Variants in CCDC3 observed in about 807,000 individuals in gnomAD.
The protein encoded by CCDC3 is coiled-coil domain containing 3.
Under a neutral mutation model 21.4 loss-of-function variants are expected in CCDC3, and 24 were observed. The observed-to-expected ratio is 1.12, with a 90% CI of 0.81 to 1.58. The LOEUF (loss-of-function observed/expected upper bound fraction) is 1.58, where lower values mean the gene tolerates loss of function less well. CCDC3 is among the 40% of genes most tolerant of loss of function. The pLI, the probability that CCDC3 is intolerant of heterozygous loss-of-function variation, is 0.00. For synonymous variants in CCDC3, 186 were observed against 166.0 expected (o/e 1.12, Z -0.93); for missense variants, 425 against 360.9 (o/e 1.18, Z -1.44).
At chr10:12,930,723 G>A (rs1163267944) in intron 2 of CCDC3, among the ~76,000 whole-genome samples, 1 of 152,120 alleles carries the variant, frequency 6.6e-6, no homozygotes, top group Non-Finnish European at 1.5e-5. Flanking sequence ...AGTGGGCAGA[G>A]ACCAAAGATG....
intron 2 of CCDC3, among the ~76,000 whole-genome samples, chr10:12,970,925 A>G (rs897807335): frequency 1.6e-4 from 24 of 152,136 alleles, no homozygotes; most frequent in Non-Finnish European, 8.8e-5. Flanking sequence ...CAAACCAATA[A>G]CTAAGCAACT....
rs1429955878 is a variant in CCDC3 at position 13,020,841 on chromosome 10, G to C, written c.-1-22329C>G. On this transcript the variant is annotated intron_variant, in intron 5 of 6. Transcript: ENST00000378839. The stretch of plus-strand genomic sequence containing the variant: ...ATCTTACAATGACTATGAGCAAAAA[G>C]TTTTCACAAAAAAAACTTATTAAAG... Among the ~76,000 whole-genome samples the C allele has an allele frequency of 2.0e-5, 3 of 151,818 alleles. No homozygotes were observed. In the East Asian group the frequency reaches 5.8e-4, roughly 29 times the overall value.
chr10:13,050,316 C>T (rs1836587741), intron 4 of CCDC3, among the ~76,000 whole-genome samples: 1 of 152,200 alleles, frequency 6.6e-6, no homozygotes, highest in Middle Eastern at 3.4e-3. Flanking sequence ...TGTCAGACTG[C>T]AGGGAATTAA....
At chr10:13,080,191 CAA>C (rs1837019470) in intron 3 of CCDC3, among the ~76,000 whole-genome samples, 2 of 150,670 alleles carry the variant, frequency 1.3e-5, no homozygotes, top group South Asian at 4.2e-4. Flanking sequence ...AACGGGATGG[CAA>C]AGAGAGAGAG....
intron 2 of CCDC3, among the ~76,000 whole-genome samples, chr10:12,957,664 G>C (rs556388719): frequency 4.1e-4 from 62 of 152,178 alleles, no homozygotes; most frequent in Non-Finnish European, 6.0e-4. Context: ...TTGTTTCTAA[G>C]CGTGCGGCAC....
chr10:13,076,738 T>C (rs932170491), intron 3 of CCDC3, among the ~76,000 whole-genome samples: 1 of 152,208 alleles, frequency 6.6e-6, no homozygotes, highest in African/African-American at 2.4e-5. Flanking sequence ...TTTGGGAATG[T>C]TATTACTTTT....
At chr10:12,974,886 T>C (rs78170920) in intron 2 of CCDC3, among the ~76,000 whole-genome samples, 4,945 of 152,338 alleles carry the variant, frequency 0.032, 280 homozygotes, top group African/African-American at 0.11. Flanking sequence ...ACGTTACTAA[T>C]ATTTTTTGAG....
intron 4 of CCDC3, among the ~76,000 whole-genome samples, chr10:13,060,300 G>A (rs1189596051): frequency 6.6e-6 from 1 of 152,102 alleles, no homozygotes; most frequent in Non-Finnish European, 1.5e-5. Context: ...CTGAATTCAG[G>A]GAAGGGGATT....
chr10:12,937,577 C>T (rs1834760373), intron 2 of CCDC3, among the ~76,000 whole-genome samples: 1 of 152,000 alleles, frequency 6.6e-6, no homozygotes, highest in African/African-American at 2.4e-5. Context: ...ATCCTCCCAT[C>T]TCAGCCTCCC....
At chr10:12,986,890 AATAAAACTTTCATTT>A (rs1434205920) in intron 2 of CCDC3, among the ~76,000 whole-genome samples, 1 of 152,240 alleles carries the variant, frequency 6.6e-6, no homozygotes, top group African/African-American at 2.4e-5. Flanking sequence ...TAACTGTTTC[AATAAAACTTTCATTT>A]GATGGCAAAA....
At chr10:12,987,161 G>C (rs536661074) in intron 2 of CCDC3, among the ~76,000 whole-genome samples, 1 of 152,086 alleles carries the variant, frequency 6.6e-6, no homozygotes, top group Admixed American at 6.6e-5. Context: ...TAAATTCATC[G>C]TCTCTCACCT....
chr10:12,957,672 CACCTCCCTCCT>C (rs1835112897), intron 2 of CCDC3, among the ~76,000 whole-genome samples: 1 of 152,118 alleles, frequency 6.6e-6, no homozygotes, highest in Non-Finnish European at 1.5e-5. Context: ...AAGCGTGCGG[CACCTCCCTCCT>C]ACCTCCCTCG....
intron 2 of CCDC3, among the ~76,000 whole-genome samples, chr10:12,955,914 G>A (rs1345108865): frequency 6.6e-6 from 1 of 152,022 alleles, no homozygotes; most frequent in Non-Finnish European, 1.5e-5. Flanking sequence ...CACCATGTTG[G>A]CAAGGCTGGC....
chr10:13,061,019 C>T (rs893120594), intron 4 of CCDC3, among the ~76,000 whole-genome samples: 2 of 152,230 alleles, frequency 1.3e-5, no homozygotes, highest in South Asian at 4.1e-4. Flanking sequence ...GGATTAAATC[C>T]TTGTTCCATA....
At chr10:13,090,796 G>A (rs1266311408) in intron 3 of CCDC3, among the ~76,000 whole-genome samples, 3 of 152,188 alleles carry the variant, frequency 2.0e-5, no homozygotes, top group East Asian at 3.9e-4. Flanking sequence ...TATATTGAAG[G>A]GAGTTTATTA....
intron 2 of CCDC3, among the ~76,000 whole-genome samples, chr10:12,911,314 C>T (rs1285879101): frequency 6.6e-6 from 1 of 152,206 alleles, no homozygotes; most frequent in East Asian, 1.9e-4. Flanking sequence ...GTTTTTACTG[C>T]CATAGCCCTA....
chr10:13,099,400 C>T (rs1413337853), intron 1 of CCDC3: 1 of 140,586 alleles, frequency 7.1e-6, no homozygotes, highest in Non-Finnish European at 1.5e-5. Flanking sequence ...CTCCCTCTCT[C>T]CGTCCCTCCC....
intron 2 of CCDC3, among the ~76,000 whole-genome samples, chr10:12,989,407 T>C (rs1038099546): frequency 5.9e-5 from 9 of 152,184 alleles, no homozygotes; most frequent in Admixed American, 2.0e-4. Flanking sequence ...ATTCATTCAT[T>C]ACTCACTCAT....
At chr10:12,912,282 C>T (rs1834281540) in intron 2 of CCDC3, among the ~76,000 whole-genome samples, 1 of 152,196 alleles carries the variant, frequency 6.6e-6, no homozygotes, top group Admixed American at 6.5e-5. Flanking sequence ...ACATCCTCAC[C>T]AACACTTATC....
Sources: allele counts gnomAD v4.1 joint callset (sites outside exome capture counted in the v4.1 genomes callset), GRCh38; gene constraint gnomAD v4.1.1; transcripts MANE v1.5; gene names NCBI Gene and HGNC (gene_info 2026-07-23, HGNC 2026-07-21).